The following RAE1 variants were observed in gnomAD, a reference collection of about 807,000 sequenced individuals.
RAE1 encodes the protein ribonucleic acid export 1, also known as mRNA export factor RAE1.
A neutral mutation model predicts 52.7 loss-of-function variants in RAE1; 13 were observed. The ratio of observed to expected loss-of-function variants is 0.25; its 90% CI spans 0.16 to 0.39. The LOEUF is 0.39. Among genes scored for constraint, RAE1 ranks in the 10% least tolerant of loss-of-function variants. The probability of loss-of-function intolerance (pLI) is 1.00; values close to 1 mark genes in which losing one functional copy is unlikely to be tolerated. For missense variants in RAE1, 262 were observed against 459.8 expected, an observed-to-expected ratio of 0.57 and a Z score of 3.93; for synonymous variants, 164 against 153.1, an observed-to-expected ratio of 1.07 and a Z score of -0.52.
chr20:57,352,025 C>G, intron 1 of RAE1: 1 of 945,116 alleles, frequency 1.1e-6, no homozygotes, highest in Non-Finnish European at 1.3e-6. Flanking sequence ...TTGGAGCCAG[C>G]ATTCTGGGGG....
chr20:57,376,585 G>C (rs1004141954), intron 11 of RAE1, among the ~76,000 whole-genome samples: 4 of 152,208 alleles, frequency 2.6e-5, no homozygotes, highest in Admixed American at 6.5e-5. Flanking sequence ...TCAGTGCTGG[G>C]TAGTATTCCC....
chr20:57,366,167 A>G (rs922189446), intron 5 of RAE1, among the ~76,000 whole-genome samples: 2 of 152,144 alleles, frequency 1.3e-5, no homozygotes, highest in Non-Finnish European at 2.9e-5. Context: ...GGAGGAGCTT[A>G]CTTTCACTCG....
chr20:57,368,925 G>GGGGTGAAT, intron 8 of RAE1, 113 bp downstream of exon 8: 1 of 820,854 alleles, frequency 1.2e-6, no homozygotes, highest in Non-Finnish European at 2.0e-6. Context: ...TGTTCAAAGA[G>GGGGTGAAT]GGGTGAATTG....
Position 57,356,465 on chromosome 20 carries a change from A to G in RAE1, c.215A>G (p.Gln72Arg). The G allele has an allele frequency of 6.2e-7, 1 of 1,612,828 alleles. No homozygotes were observed. Among genetic ancestry groups the G allele is most frequent in the Non-Finnish European group, 8.5e-7 (1 of 1,179,106 alleles). ...CTACAGGTTCGCTGCTGGGAAGTTC[A>G]AGACAGTGGACAGACCATTCCAAAA... ...WANDVRCWEV[Q>R]DSGQTIPKAQ... Residue 72 changes from glutamine to arginine, a missense_variant, in exon 4 of 12, where the codon CAA becomes CGA. Gln to Arg is a conservative substitution (Grantham distance 43). Coordinates refer to ENST00000395841, the MANE Select transcript of RAE1 (RefSeq NM_003610.4).
chr20:57,375,036 T>G (rs2067092141), intron 11 of RAE1: 1 of 706,584 alleles, frequency 1.4e-6, no homozygotes, highest in Non-Finnish European at 2.6e-6. Context: ...TGTGAGCCAT[T>G]ACGGGCTGCT....
chr20:57,370,910 G>A (rs2067026849), intron 8 of RAE1, among the ~76,000 whole-genome samples: 1 of 152,162 alleles, frequency 6.6e-6, no homozygotes, highest in South Asian at 2.1e-4. Context: ...GCCACCACCA[G>A]CCTGTTGCTC....
intron 4 of RAE1, chr20:57,359,702 T>C (rs2066862800): frequency 6.6e-6 from 1 of 152,266 alleles, no homozygotes; most frequent in Non-Finnish European, 1.5e-5. Flanking sequence ...GCCACATAGG[T>C]GAGTGTGCTC....
intron 11 of RAE1, among the ~76,000 whole-genome samples, chr20:57,376,038 C>T (rs942655166): frequency 6.6e-5 from 10 of 152,210 alleles, no homozygotes; most frequent in African/African-American, 2.4e-4. Context: ...TGACTGGAGA[C>T]GTCCCTTGGT....
rs533310977 is a variant in RAE1 at position 57,364,138 on chromosome 20, G to A, written c.289-1218G>A. Among the ~76,000 whole-genome samples the A allele has an allele frequency of 2.6e-5, 4 of 152,346 alleles. No individual in the cohort carries two copies. In the East Asian group the frequency reaches 7.7e-4, roughly 29 times the overall value. On this transcript the variant is annotated intron_variant, in intron 4 of 11. Transcript: ENST00000395841. ...CCAAAGTTACCTTGGAGGCATAAAA[G>A]CCAAACTTGGTAAAGTTGAATCTTC...
intron 1 of RAE1, 26 bp from the exon 2 acceptor site, chr20:57,354,006 C>A: frequency 6.3e-7 from 1 of 1,587,614 alleles, no homozygotes; most frequent in Non-Finnish European, 8.6e-7. Flanking sequence ...GAAAACCCAT[C>A]CTTAACATTT....
In RAE1 at chr20:57,358,982, C is replaced by T. The variant is rs368823496; in HGVS notation, c.288+2444C>T. On this transcript the variant is annotated intron_variant, in intron 4 of 11. Transcript: ENST00000395841. ...TTATTTGTTTATATCCGCCTCTTCA[C>T]GGATAGATCAATTTCACTGGTTGAA... 195 of 1,502,406 alleles carry T rather than the reference C, an allele frequency of 1.3e-4. No homozygotes were observed. Among genetic ancestry groups the T allele is most frequent in the African/African-American group, 1.2e-3 (88 of 71,384 alleles). The allele number at this position is 1,502,406 out of a possible 1,614,324, so 93.1% of individuals were successfully genotyped here.
intron 4 of RAE1, among the ~76,000 whole-genome samples, chr20:57,363,176 C>T (rs2146149796): frequency 6.6e-6 from 1 of 152,294 alleles, no homozygotes; most frequent in African/African-American, 2.4e-5. Flanking sequence ...TCAGCTCTGT[C>T]TCTTCCAGGC....
chr20:57,373,149 C>T (rs114610085), intron 8 of RAE1: 4,228 of 330,302 alleles, frequency 0.013, 183 homozygotes, highest in African/African-American at 0.084. Flanking sequence ...TAGCCAGGGA[C>T]GTCTCCATTC....
intron 4 of RAE1, among the ~76,000 whole-genome samples, chr20:57,361,957 G>A (rs969358390): frequency 1.3e-5 from 2 of 152,244 alleles, no homozygotes; most frequent in Admixed American, 6.5e-5. Context: ...TCCGCCTCCT[G>A]TCAGATCAGC....
intron 11 of RAE1, chr20:57,375,091 T>C (rs1033970251): frequency 4.4e-6 from 3 of 683,906 alleles, no homozygotes; most frequent in African/African-American, 3.5e-5. Context: ...GGCTGCACTT[T>C]ATGAAGGGGG....
At chr20:57,351,856 T>G (rs1239218614) in intron 1 of RAE1, 1 of 985,472 alleles carries the variant, frequency 1.0e-6, no homozygotes, top group Non-Finnish European at 1.2e-6. Flanking sequence ...TGTTTCTGTC[T>G]TAGCCCGCCA....
At chr20:57,361,072 T>G (rs1265107562) in intron 4 of RAE1, among the ~76,000 whole-genome samples, 1 of 151,210 alleles carries the variant, frequency 6.6e-6, no homozygotes, top group Admixed American at 6.6e-5. Flanking sequence ...AATACTTAAG[T>G]GGAAAATTAA....
chr20:57,353,441 G>A (rs1283561736), intron 1 of RAE1, among the ~76,000 whole-genome samples: 1 of 152,260 alleles, frequency 6.6e-6, no homozygotes, highest in Non-Finnish European at 1.5e-5. Context: ...CAGGGTGGGA[G>A]AGGTTCTTGC....
In RAE1 at chr20:57,354,832, A is replaced by G; in HGVS notation, c.195+16A>G. On this transcript the variant is annotated intron_variant, in intron 3 of 11. Coordinates refer to ENST00000395841, the MANE Select transcript of RAE1 (RefSeq NM_003610.4). ...GGCTAATGATGTAAGTGCTCCTTAA[A>G]TACGTGTTCTAGAAATCATCTCTCT... 1 of 1,539,986 alleles carries G rather than the reference A, an allele frequency of 6.5e-7. No homozygotes were observed. The highest frequency in any genetic ancestry group is 2.4e-5 in the East Asian group (1 of 42,070).
Sources: gnomAD v4.1 joint callset for allele counts (sites outside exome capture counted in the v4.1 genomes callset) on GRCh38, gnomAD v4.1.1 for gene constraint, MANE v1.5 for transcripts, NCBI Gene and HGNC (gene_info 2026-07-23, HGNC 2026-07-21) for gene names.